The following MTA3 variants were observed in gnomAD, a reference collection of about 807,000 sequenced individuals.
The protein encoded by MTA3 is metastasis-associated protein MTA3.
A neutral mutation model predicts 83.5 loss-of-function variants in MTA3; 34 were observed. That is an observed-to-expected ratio of 0.41 (90% CI 0.31 to 0.54). The LOEUF (loss-of-function observed/expected upper bound fraction) is 0.54. Ranked by LOEUF, MTA3 falls within the 20% of genes least tolerant of loss-of-function variation. The pLI is 0.33. For missense variants in MTA3, 761 were observed against 726.4 expected, an observed-to-expected ratio of 1.05 and a Z score of -0.55; for synonymous variants, 303 against 252.7, an observed-to-expected ratio of 1.20 and a Z score of -1.89.
chr2:42,667,671 G>A (rs545632715), intron 8 of MTA3, among the ~76,000 whole-genome samples: 1 of 143,304 alleles, frequency 7.0e-6, no homozygotes, highest in African/African-American at 2.6e-5. Flanking sequence ...GTCTTGCTCT[G>A]TCCCTCAGCC....
chr2:42,516,304 T>C (rs994232259), intron 2 of MTA3, among the ~76,000 whole-genome samples: 4 of 152,174 alleles, frequency 2.6e-5, no homozygotes, highest in African/African-American at 9.6e-5. Context: ...GGATTTTAGG[T>C]TGGGAAGAGT....
rs186190823 is a variant in MTA3 at position 42,730,198 on chromosome 2, T to C, written c.1759+7163T>C. Among the ~76,000 whole-genome samples the C allele has an allele frequency of 3.5e-3, 529 of 152,322 alleles. 2 individuals carry two copies. The highest frequency in any genetic ancestry group is 0.012 in the African/African-American group (503 of 41,576). On this transcript the variant is annotated intron_variant, in intron 16 of 16. Transcript: ENST00000405094. The stretch of plus-strand genomic sequence containing the variant: ...ATAATTTGACTCCTTATTTTCCAAT[T>C]TGATGACTTTTTTTTTCTTGTTTTA...
intron 16 of MTA3, among the ~76,000 whole-genome samples, chr2:42,737,011 G>A (rs1258156035): frequency 1.3e-5 from 2 of 152,204 alleles, no homozygotes; most frequent in African/African-American, 4.8e-5. Context: ...GCAAGAGAAA[G>A]TCCTCTTTAC....
chr2:42,640,215 A>G lies in MTA3; in HGVS notation c.360A>G (p.Val120=). The G allele has an allele frequency of 6.2e-7, 1 of 1,608,106 alleles. No individual in the cohort carries two copies. Among genetic ancestry groups the G allele is most frequent in the Non-Finnish European group, 8.5e-7 (1 of 1,177,848 alleles). ...SVALLNETES[V]LSYLDKEDTF... is the part of the protein sequence containing the mutation. Reference sequence around the variant, plus strand: ...CCCTTCTGAATGAGACAGAATCAGTATTGTCATATCTTGATAAGGAGGTAA... The same window carrying G: ...CCCTTCTGAATGAGACAGAATCAGTGTTGTCATATCTTGATAAGGAGGTAA... Residue 120 remains valine (V), a synonymous_variant, in exon 5 of 17, where the codon GTA becomes GTG. Coordinates refer to ENST00000405094, the MANE Select transcript of MTA3 (RefSeq NM_001330442.2).
intron 2 of MTA3, among the ~76,000 whole-genome samples, chr2:42,552,623 C>CAAAA (rs536783114): frequency 0.017 from 1,475 of 88,324 alleles, 32 homozygotes; most frequent in African/African-American, 0.056. Context: ...ACTCCTTGTC[C>CAAAA]AAAAAAAAAA....
intron 2 of MTA3, among the ~76,000 whole-genome samples, chr2:42,517,320 C>T (rs1254904353): frequency 1.3e-5 from 2 of 151,326 alleles, no homozygotes; most frequent in African/African-American, 2.4e-5. Context: ...ACCCCTAATC[C>T]CAGCACTTTG....
intron 14 of MTA3, among the ~76,000 whole-genome samples, chr2:42,711,438 G>A (rs899162646): frequency 3.3e-5 from 5 of 151,988 alleles, no homozygotes; most frequent in Admixed American, 6.6e-5. Context: ...AAGAGCAGTC[G>A]TCTATCTGGA....
At chr2:42,601,524 C>T (rs1487129150) in intron 3 of MTA3, among the ~76,000 whole-genome samples, 1 of 152,172 alleles carries the variant, frequency 6.6e-6, no homozygotes, top group African/African-American at 2.4e-5. Context: ...GTGACCCTCT[C>T]GCTGGTGCGT....
intron 2 of MTA3, among the ~76,000 whole-genome samples, chr2:42,528,594 A>G (rs1376639871): frequency 6.6e-6 from 1 of 152,206 alleles, no homozygotes; most frequent in Non-Finnish European, 1.5e-5. Flanking sequence ...GTAAAGGAGC[A>G]CAGTTTTTAG....
chr2:42,550,777 C>G (rs1317676120), intron 2 of MTA3, among the ~76,000 whole-genome samples: 1 of 152,158 alleles, frequency 6.6e-6, no homozygotes, highest in Non-Finnish European at 1.5e-5. Context: ...CACAGTGGCT[C>G]ATGCCTGTAA....
chr2:42,621,203 A>G (rs1471697712), intron 4 of MTA3, among the ~76,000 whole-genome samples: 1 of 148,156 alleles, frequency 6.7e-6, no homozygotes, highest in Non-Finnish European at 1.5e-5. Flanking sequence ...GGGTCATAGG[A>G]CAATAGTGGA....
chr2:42,746,810 C>G (rs1285095468), intron 16 of MTA3, among the ~76,000 whole-genome samples: 2 of 152,224 alleles, frequency 1.3e-5, no homozygotes, highest in African/African-American at 4.8e-5. Context: ...GGGCACACCA[C>G]CCTCCAGGAA....
chr2:42,629,382 A>G (rs532900477), intron 4 of MTA3, among the ~76,000 whole-genome samples: 1 of 152,244 alleles, frequency 6.6e-6, no homozygotes, highest in East Asian at 1.9e-4. Context: ...CCCAGCGGAT[A>G]GAGCAGTCTT....
intron 3 of MTA3, among the ~76,000 whole-genome samples, chr2:42,606,178 G>A (rs1468478916): frequency 1.2e-5 from 1 of 81,396 alleles, no homozygotes; most frequent in Non-Finnish European, 2.4e-5. Context: ...CGGACGGGGC[G>A]GCTGGCCGGG....
At chr2:42,719,326 A>G (rs753341377) in intron 15 of MTA3, among the ~76,000 whole-genome samples, 4 of 152,162 alleles carry the variant, frequency 2.6e-5, no homozygotes, top group Non-Finnish European at 5.9e-5. Context: ...AATGTAATAT[A>G]TATTCATGGA....
intron 16 of MTA3, among the ~76,000 whole-genome samples, chr2:42,745,287 G>A (rs1669326524): frequency 6.6e-6 from 1 of 152,222 alleles, no homozygotes; most frequent in Non-Finnish European, 1.5e-5. Flanking sequence ...TTTCCGTAAT[G>A]TTCTGATTCC....
chr2:42,592,124 TTTGGTGG>T (rs1414243113), intron 3 of MTA3, among the ~76,000 whole-genome samples: 2 of 151,808 alleles, frequency 1.3e-5, no homozygotes, highest in Non-Finnish European at 2.9e-5. Context: ...ATTAGCCGGG[TTTGGTGG>T]TAAACACCTG....
At chr2:42,670,413 G>A (rs960982977) in intron 8 of MTA3, among the ~76,000 whole-genome samples, 10 of 152,094 alleles carry the variant, frequency 6.6e-5, no homozygotes, top group African/African-American at 2.4e-4. Context: ...ACAAATTAGA[G>A]AATTTAGTTT....
chr2:42,712,479 G>T (rs562116332), intron 14 of MTA3, among the ~76,000 whole-genome samples: 184 of 151,994 alleles, frequency 1.2e-3, no homozygotes, highest in Non-Finnish European at 1.9e-3. Flanking sequence ...TAGAGATGGG[G>T]CCTCACTATG....
Sources: allele counts gnomAD v4.1 joint callset (sites outside exome capture counted in the v4.1 genomes callset), GRCh38; gene constraint gnomAD v4.1.1; transcripts MANE v1.5; gene names NCBI Gene and HGNC (gene_info 2026-07-23, HGNC 2026-07-21).